Variants in TTLL6 observed in about 807,000 individuals in gnomAD.
The protein encoded by TTLL6 is tubulin tyrosine ligase like 6.
TTLL6 carries 75 observed loss-of-function variants against 96.4 expected under a neutral mutation model. The ratio of observed to expected loss-of-function variants is 0.78; its 90% confidence interval spans 0.65 to 0.94. The LOEUF is 0.94. Among genes scored for constraint, TTLL6 ranks in the 40% least tolerant of loss-of-function variants. The pLI, the probability that TTLL6 is intolerant of heterozygous loss-of-function variation, is 0.00. For missense variants in TTLL6, 1,030 were observed against 1,093.0 expected (o/e 0.94, Z 0.81); for synonymous variants, 411 against 419.4 (o/e 0.98, Z 0.24).
intron 13 of TTLL6, among the ~76,000 whole-genome samples, chr17:48,776,732 T>C (rs187324042): frequency 6.6e-6 from 1 of 152,322 alleles, no homozygotes; most frequent in East Asian, 1.9e-4. Flanking sequence ...TTTATTTTGA[T>C]TTCTTGTTGC....
rs1298359639 is a variant in TTLL6 at position 48,803,131 on chromosome 17, T to C, written c.361+760A>G. 2.0e-5 allele frequency among the ~76,000 whole-genome samples: 3 copies of C among 151,948 alleles called. No homozygotes were observed. The East Asian group carries it at 5.8e-4, about 29-fold the overall frequency. On this transcript the variant is annotated intron_variant, in intron 3 of 15. Coordinates refer to ENST00000393382, the MANE Select transcript of TTLL6 (RefSeq NM_001130918.3). ...GTTGCGGTGAGCCGAGATTGTGCCA[T>C]TGCACTCCAGCCTGGGCAACAAGAG...
chr17:48,772,546 A>T (rs2143208253), intron 13 of TTLL6, among the ~76,000 whole-genome samples: 1 of 152,142 alleles, frequency 6.6e-6, no homozygotes, highest in Non-Finnish European at 1.5e-5. Flanking sequence ...CCTGGCCAAC[A>T]TGGTGAAACC....
At chr17:48,816,611 AG>A (rs2143517610) in intron 1 of TTLL6, among the ~76,000 whole-genome samples, 1 of 152,336 alleles carries the variant, frequency 6.6e-6, no homozygotes, top group East Asian at 1.9e-4. Flanking sequence ...AGACAAAGGA[AG>A]AACAGTGATG....
intron 11 of TTLL6, 68 bp downstream of exon 11, chr17:48,787,743 A>C (rs1358703264): frequency 1.4e-6 from 2 of 1,478,290 alleles, no homozygotes; most frequent in Non-Finnish European, 1.8e-6. Context: ...ACTCCAGGCC[A>C]GTCAGCCAAT....
intron 10 of TTLL6, among the ~76,000 whole-genome samples, chr17:48,788,486 T>G (rs1289423394): frequency 6.6e-6 from 1 of 152,186 alleles, no homozygotes; most frequent in East Asian, 1.9e-4. Context: ...ATAAGCCCCC[T>G]TTTACAGCAG....
chr17:48,780,337 C>A (rs531315396), intron 13 of TTLL6, among the ~76,000 whole-genome samples: 2 of 151,972 alleles, frequency 1.3e-5, no homozygotes, highest in Non-Finnish European at 2.9e-5. Context: ...GGAGCCACTG[C>A]GCCCAGACTC....
At chr17:48,794,198 C>G (rs2039279321) in intron 8 of TTLL6, 9 of 1,614,022 alleles carry the variant, frequency 5.6e-6, no homozygotes, top group Non-Finnish European at 7.6e-6. Context: ...AGCCTTGCAA[C>G]CTCACCTTAG....
intron 7 of TTLL6, among the ~76,000 whole-genome samples, chr17:48,796,440 T>C (rs1421708193): frequency 2.0e-5 from 3 of 151,888 alleles, no homozygotes; most frequent in African/African-American, 7.3e-5. Context: ...ACCAACATGG[T>C]GAAATCCCAT....
Position 48,789,915 on chromosome 17 carries a change from G to T in TTLL6, c.1400+16C>A, listed in dbSNP as rs758046349. ...TCAGAGAGAGAGCCCCGCAAGGCTG[G>T]GGAGTGCGAATGTACCTCATCTCCC... On this transcript the variant is annotated intron_variant, in intron 10 of 15. Coordinates refer to ENST00000393382, the MANE Select transcript of TTLL6 (RefSeq NM_001130918.3). The T allele has an allele frequency of 1.2e-6, 2 of 1,613,190 alleles. No homozygotes were observed. The highest frequency in any genetic ancestry group is 1.1e-5 in the South Asian group (1 of 90,950).
At chr17:48,787,759 A>C in intron 11 of TTLL6, 52 bp downstream of exon 11, 1 of 1,546,520 alleles carries the variant, frequency 6.5e-7, no homozygotes, top group African/African-American at 1.4e-5. Context: ...CCAATAGATC[A>C]CACACAATCC....
intron 9 of TTLL6, 122 bp downstream of exon 9, chr17:48,791,256 C>T: frequency 2.5e-6 from 2 of 809,516 alleles, no homozygotes; most frequent in Non-Finnish European, 4.0e-6. Context: ...GCAGCAGGCA[C>T]CATGGGAGGA....
At chr17:48,764,721 T>C (rs2038559522) in intron 15 of TTLL6, among the ~76,000 whole-genome samples, 1 of 152,220 alleles carries the variant, frequency 6.6e-6, no homozygotes, top group Non-Finnish European at 1.5e-5. Flanking sequence ...GACATTCTGC[T>C]GTATATAGTC....
Position 48,785,219 on chromosome 17 carries a change from C to A in TTLL6, c.1762-18G>T, listed in dbSNP as rs1310678428. 6.2e-7 allele frequency: 1 copy of A among 1,613,726 alleles called. No individual in the cohort carries two copies. Among genetic ancestry groups the A allele is most frequent in the Non-Finnish European group, 8.5e-7 (1 of 1,180,004 alleles). Reference sequence around the variant, plus strand: ...TGGATGTACTGAGGGAGGAAGAAACCACAACACACAGCCATGGGAACCCAG... The same window carrying A: ...TGGATGTACTGAGGGAGGAAGAAACAACAACACACAGCCATGGGAACCCAG... On this transcript the variant is annotated intron_variant, in intron 12 of 15. Transcript: ENST00000393382.
At chr17:48,768,044 G>A (rs1344195014) in intron 15 of TTLL6, among the ~76,000 whole-genome samples, 1 of 152,184 alleles carries the variant, frequency 6.6e-6, no homozygotes, top group Non-Finnish European at 1.5e-5. Flanking sequence ...AAGGCAAAGT[G>A]CCTAGTGGGG....
chr17:48,805,104 G>C (rs1231760508), intron 1 of TTLL6, 113 bp from the exon 2 acceptor site: 1 of 860,816 alleles, frequency 1.2e-6, no homozygotes. Context: ...ACAGGTTGCA[G>C]TTTATAAAAT....
chr17:48,785,493 C>T (rs1322520041), intron 12 of TTLL6, among the ~76,000 whole-genome samples: 2 of 152,036 alleles, frequency 1.3e-5, no homozygotes, highest in Non-Finnish European at 2.9e-5. Flanking sequence ...GGTCTGTGAC[C>T]CTAACAAAGT....
intron 13 of TTLL6, among the ~76,000 whole-genome samples, chr17:48,783,188 G>A (rs2039021190): frequency 6.6e-6 from 1 of 152,056 alleles, no homozygotes; most frequent in Admixed American, 6.6e-5. Context: ...TTCTTACTGT[G>A]GGCTATGGTG....
intron 5 of TTLL6, 55 bp downstream of exon 5, chr17:48,801,200 G>A (rs1597995079): frequency 3.3e-6 from 5 of 1,508,486 alleles, no homozygotes; most frequent in East Asian, 2.5e-5. Context: ...GGGGCAAGAG[G>A]AAATGTAAAT....
chr17:48,795,745 G>A (rs2143404780), intron 8 of TTLL6, among the ~76,000 whole-genome samples: 1 of 152,290 alleles, frequency 6.6e-6, no homozygotes, highest in African/African-American at 2.4e-5. Context: ...CTGTTGATTT[G>A]GAAATATCAG....
Sources: gnomAD v4.1 joint callset for allele counts (sites outside exome capture counted in the v4.1 genomes callset) on GRCh38, gnomAD v4.1.1 for gene constraint, MANE v1.5 for transcripts, NCBI Gene and HGNC (gene_info 2026-07-23, HGNC 2026-07-21) for gene names.